The following TIMM9 variants were observed in gnomAD, a reference collection of about 807,000 sequenced individuals.
The protein encoded by TIMM9 is mitochondrial import inner membrane translocase subunit Tim9.
In TIMM9, 10 loss-of-function variants were observed where a neutral mutation model predicts 13.4. That is an observed-to-expected ratio of 0.75 (90% CI 0.46 to 1.26). The LOEUF (loss-of-function observed/expected upper bound fraction) is 1.26, where lower values mean the gene tolerates loss of function less well. Among genes scored for constraint, TIMM9 ranks in the 50% most tolerant of loss-of-function variants. The pLI, the probability that TIMM9 is intolerant of heterozygous loss-of-function variation, is 0.00. For synonymous variants in TIMM9, 32 were observed against 32.1 expected (o/e 1.00, Z 0.01); for missense variants, 87 against 100.8 (o/e 0.86, Z 0.58).
intron 5 of TIMM9, among the ~76,000 whole-genome samples, chr14:58,409,908 T>C (rs1473155732): frequency 3.9e-5 from 6 of 151,976 alleles, no homozygotes; most frequent in Admixed American, 3.9e-4. Context: ...ACAGGTTCTC[T>C]CTCTGTTGCC....
chr14:58,419,756 C>A (rs944788697), intron 3 of TIMM9, among the ~76,000 whole-genome samples: 8 of 150,440 alleles, frequency 5.3e-5, no homozygotes, highest in African/African-American at 1.5e-4. Flanking sequence ...AATACACACA[C>A]AAAAAAAATT....
chr14:58,410,675 T>A (rs1269407556), intron 5 of TIMM9, among the ~76,000 whole-genome samples, 168 bp downstream of exon 5: 1 of 152,240 alleles, frequency 6.6e-6, no homozygotes, highest in African/African-American at 2.4e-5. Context: ...TTGGCACTGT[T>A]AAACTCAATG....
chr14:58,425,805 G>A (rs375610911), intron 2 of TIMM9, among the ~76,000 whole-genome samples: 24 of 152,054 alleles, frequency 1.6e-4, no homozygotes, highest in African/African-American at 5.6e-4. Flanking sequence ...GCCCAATTAC[G>A]AAGAGAAAAT....
chr14:58,420,338 A>G (rs1595026335), intron 3 of TIMM9, among the ~76,000 whole-genome samples: 2 of 152,242 alleles, frequency 1.3e-5, no homozygotes, highest in African/African-American at 4.8e-5. Context: ...AGCAGAAGAT[A>G]TAAAGAACTC....
At chr14:58,415,944 A>T (rs954420423) in intron 3 of TIMM9, among the ~76,000 whole-genome samples, 6 of 152,004 alleles carry the variant, frequency 3.9e-5, no homozygotes, top group African/African-American at 1.5e-4. Flanking sequence ...GGCTGAGCGC[A>T]GTGCCTCACG....
intron 3 of TIMM9, among the ~76,000 whole-genome samples, chr14:58,413,445 C>T (rs990550110): frequency 2.0e-5 from 3 of 152,174 alleles, no homozygotes; most frequent in African/African-American, 4.8e-5. Context: ...AAGAAAGTTA[C>T]AGGAATTATA....
intron 3 of TIMM9, among the ~76,000 whole-genome samples, chr14:58,415,863 C>A (rs1057459444): frequency 6.6e-6 from 1 of 152,030 alleles, no homozygotes; most frequent in Non-Finnish European, 1.5e-5. Context: ...GCTGAACAAA[C>A]CCCAAACAGC....
At chr14:58,409,610 G>A (rs1243536202) in intron 5 of TIMM9, among the ~76,000 whole-genome samples, 5 of 151,740 alleles carry the variant, frequency 3.3e-5, no homozygotes, top group African/African-American at 4.8e-5. Context: ...AGGGAGTCTC[G>A]CTGTGTCACC....
At chr14:58,413,923 C>T (rs1214629877) in intron 3 of TIMM9, among the ~76,000 whole-genome samples, 1 of 135,742 alleles carries the variant, frequency 7.4e-6, no homozygotes, top group Admixed American at 8.5e-5. Flanking sequence ...AGAAGAATGG[C>T]GTGAACCCGG....
intron 3 of TIMM9, among the ~76,000 whole-genome samples, chr14:58,422,677 A>G (rs1478890720): frequency 6.6e-6 from 1 of 152,318 alleles, no homozygotes. Context: ...TAAAAGTAAT[A>G]TATTTATTGA....
rs1328377584 is a variant in TIMM9 at position 58,409,000 on chromosome 14, A to G, written c.*34T>C. On this transcript the variant is annotated 3_prime_UTR_variant, in exon 6 of 6. Transcript: ENST00000395159. ...ATTTCCAATAAAGCAGCTGTTGGCA[A>G]TCTTTCATCAAAAGTTCATCCATCA... The G allele has an allele frequency of 1.3e-6, 2 of 1,592,108 alleles. No individual in the cohort carries two copies. The highest frequency in any genetic ancestry group is 1.7e-6 in the Non-Finnish European group (2 of 1,174,390).
Position 58,409,070 on chromosome 14 carries a change from C to T in TIMM9, c.234G>A (p.Leu78=). Residue 78 remains leucine, a synonymous_variant, in exon 6 of 6, where the codon CTG becomes CTA. Transcript: ENST00000395159. ...QEYHIQQNEA[L]AAKAGLLGQP... ...GGCCAAGGAGTCCTGCTTTGGCTGC[C>T]AGGGCTTCATTCTGCTGAATATGAT... The T allele has an allele frequency of 6.2e-7, 1 of 1,613,764 alleles. No homozygotes were observed. The highest frequency in any genetic ancestry group is 8.5e-7 in the Non-Finnish European group (1 of 1,179,906).
intron 3 of TIMM9, among the ~76,000 whole-genome samples, chr14:58,420,749 C>T (rs780149312): frequency 2.2e-5 from 3 of 134,516 alleles, no homozygotes; most frequent in Admixed American, 8.4e-5. Flanking sequence ...GCCGGGATCA[C>T]GCCACTGCAC....
chr14:58,427,322 G>C (rs2036898749), intron 1 of TIMM9, 70 bp downstream of exon 1: 1 of 349,172 alleles, frequency 2.9e-6, no homozygotes. Flanking sequence ...CTTAGACAAC[G>C]CTTTCTATTC....
chr14:58,427,515 C>G lies in TIMM9; in HGVS notation c.-427G>C. ...GATGAGACTGTAGAGCGGTCTTGTG[C>G]GGCAATGTGCTACCTTAAAATAAAT... is the stretch of plus-strand genomic sequence containing the variant. On this transcript the variant is annotated 5_prime_UTR_variant, in exon 1 of 6. Transcript: ENST00000395159. 7.1e-7 allele frequency: 1 copy of G among 1,409,536 alleles called. No individual in the cohort carries two copies. The highest frequency in any genetic ancestry group is 2.5e-5 in the East Asian group (1 of 40,036). The allele number at this position is 1,409,536 out of a possible 1,614,324, so 87.3% of individuals were successfully genotyped here.
chr14:58,414,778 A>C (rs2036346181), intron 3 of TIMM9, among the ~76,000 whole-genome samples: 1 of 151,936 alleles, frequency 6.6e-6, no homozygotes, highest in African/African-American at 2.4e-5. Flanking sequence ...AGAAATTCAC[A>C]ATAACTACTG....
intron 3 of TIMM9, among the ~76,000 whole-genome samples, chr14:58,419,148 A>G (rs2036507029): frequency 1.3e-5 from 2 of 152,118 alleles, no homozygotes; most frequent in Non-Finnish European, 2.9e-5. Flanking sequence ...ATCTAATAAC[A>G]GATTAACACC....
In TIMM9 at chr14:58,415,823, G is replaced by T. The variant is rs527613857; in HGVS notation, c.-26-3852C>A. ...AATGGCTGAAAACTCCCCAAGTTTG[G>T]CAAAAGACATAAACCTACAGATTCA... On this transcript the variant is annotated intron_variant, in intron 3 of 5. Coordinates refer to ENST00000395159, the MANE Select transcript of TIMM9 (RefSeq NM_012460.4). 5.9e-5 allele frequency among the ~76,000 whole-genome samples: 9 copies of T among 152,174 alleles called. No homozygotes were observed. In the South Asian group the frequency reaches 1.9e-3, roughly 32 times the overall value.
intron 5 of TIMM9, among the ~76,000 whole-genome samples, chr14:58,409,750 T>C (rs556854657): frequency 9.2e-5 from 14 of 152,134 alleles, no homozygotes; most frequent in African/African-American, 3.4e-4. Context: ...GGCTAATTTT[T>C]TGTATTTTTA....
Sources: gnomAD v4.1 joint callset for allele counts (sites outside exome capture counted in the v4.1 genomes callset) on GRCh38, gnomAD v4.1.1 for gene constraint, MANE v1.5 for transcripts, NCBI Gene and HGNC (gene_info 2026-07-23, HGNC 2026-07-21) for gene names.